FAM228B: variants seen among roughly 807,000 people sequenced by gnomAD.
FAM228B encodes the protein protein FAM228B.
Under a neutral mutation model 42.6 loss-of-function variants are expected in FAM228B, and 38 were observed. The ratio of observed to expected loss-of-function variants is 0.89; its 90% CI spans 0.69 to 1.17. The LOEUF is 1.17. Among genes scored for constraint, FAM228B ranks in the 50% most tolerant of loss-of-function variants. The pLI is 0.00. For missense variants in FAM228B, 344 were observed against 367.3 expected, an observed-to-expected ratio of 0.94 and a Z score of 0.52; for synonymous variants, 109 against 122.3, an observed-to-expected ratio of 0.89 and a Z score of 0.72.
chr2:24,084,426 TG>T lies in FAM228B; in HGVS notation c.-210+3472del, dbSNP rs1665170885. The T allele has an allele frequency of 7.3e-7, 1 of 1,371,996 alleles. No homozygotes were observed. Among genetic ancestry groups the T allele is most frequent in the East Asian group, 2.7e-5 (1 of 37,096 alleles). 85.0% of individuals were successfully genotyped at this position (1,371,996 alleles called of 1,614,324 possible). A position where few individuals can be genotyped will look rare whatever the true frequency, so the allele number is the denominator to read the frequency against. ...CAGGACAGGACAGGGCAGGGGCCGC[TG>T]TATCCTCGCGGAGCAGCCCAGCCTC... On this transcript the variant is annotated intron_variant, in intron 2 of 10. Coordinates refer to the FAM228B transcript ENST00000613899. The surrounding 1 kb of genome is among the most constrained non-coding windows in gnomAD (Gnocchi z 8.4).
At chr2:24,166,090 T>TATAGATAG (rs1266908795) in intron 9 of FAM228B, 1 of 147,604 alleles carries the variant, frequency 6.8e-6, no homozygotes, top group African/African-American at 2.5e-5. Context: ...TTCACATATA[T>TATAGATAG]ATAGATAGAT....
In FAM228B at chr2:24,146,763, T is replaced by C. The variant is rs994054143; in HGVS notation, c.457T>C (p.Phe153Leu). 6.5e-7 allele frequency: 1 copy of C among 1,549,714 alleles called. No homozygotes were observed. Among genetic ancestry groups the C allele is most frequent in the Non-Finnish European group, 8.7e-7 (1 of 1,145,780 alleles). The change falls in exon 6 of 11, where the codon TTT becomes CTT. Residue 153 changes from phenylalanine to leucine, a missense_variant. Phe to Leu is a conservative substitution (Grantham distance 22). Transcript: ENST00000615575. ...PNFLKVTIPP[F>L]HDPLKKAQYD... ...TCTCTTGTAGGTTACCATCCCACCATTTCATGACCCTTTGAAAAAAGCACA... is the reference window on the plus strand; with the variant it reads ...TCTCTTGTAGGTTACCATCCCACCACTTCATGACCCTTTGAAAAAAGCACA...
rs371252388 is a variant in FAM228B at position 24,089,868 on chromosome 2, G to A, written c.-209-5273G>A. Among the ~76,000 whole-genome samples, 11 of 151,976 alleles carry A rather than the reference G, an allele frequency of 7.2e-5. No homozygotes were observed. The East Asian group carries it at 9.7e-4, about 13-fold the overall frequency. On this transcript the variant is annotated intron_variant, in intron 2 of 10. Transcript: ENST00000613899. ...CGCATCCCTGTAATCTCAGCTACTC[G>A]GGAGGCTGAGGCAGGAGAATCACTC...
At chr2:24,119,187 A>C (rs922302742), upstream of FAM228B, among the ~76,000 whole-genome samples, 4 of 151,092 alleles carry the variant, frequency 2.6e-5, no homozygotes, top group Non-Finnish European at 4.4e-5. Flanking sequence ...CCCCTCCCCT[A>C]TCCTGCCCCA....
intron 3 of FAM228B, among the ~76,000 whole-genome samples, chr2:24,116,309 CA>C (rs1211971762): frequency 6.6e-6 from 1 of 152,010 alleles, no homozygotes; most frequent in Admixed American, 6.6e-5. Context: ...GCCTGAGCGA[CA>C]GAGCGAAATT....
chr2:24,081,649 C>G (rs962013496), intron 2 of FAM228B, among the ~76,000 whole-genome samples: 1 of 151,742 alleles, frequency 6.6e-6, no homozygotes, highest in Non-Finnish European at 1.5e-5. Context: ...CAATAGTCAT[C>G]CTTCACTACT....
intron 3 of FAM228B, among the ~76,000 whole-genome samples, chr2:24,117,291 C>T (rs1023191309): frequency 2.6e-5 from 4 of 152,248 alleles, no homozygotes; most frequent in East Asian, 3.9e-4. Context: ...GGTGGGATTA[C>T]AGGCGTGAGC....
At chr2:24,089,364 T>C (rs1266413664) in intron 2 of FAM228B, among the ~76,000 whole-genome samples, 1 of 151,940 alleles carries the variant, frequency 6.6e-6, no homozygotes, top group Non-Finnish European at 1.5e-5. Context: ...TAGGAGTGAT[T>C]AAAACAAAAA....
chr2:24,084,270 C>T lies in FAM228B; in HGVS notation c.-210+3315C>T. Reference sequence around the variant, plus strand: ...CCTCCCCCGGGCTCGGCTTGGCCACCTCCTTCACGTAGAGGTTTTCCGGTC... The same window carrying T: ...CCTCCCCCGGGCTCGGCTTGGCCACTTCCTTCACGTAGAGGTTTTCCGGTC... On this transcript the variant is annotated intron_variant, in intron 2 of 10. Coordinates refer to the FAM228B transcript ENST00000613899. This position sits in a 1 kb window ranked among gnomAD's most constrained non-coding sequence, Gnocchi z 8.4. 3 of 1,614,176 alleles carry T rather than the reference C, an allele frequency of 1.9e-6. No homozygotes were observed. Among genetic ancestry groups the T allele is most frequent in the Non-Finnish European group, 2.5e-6 (3 of 1,180,016 alleles).
intron 5 of FAM228B, among the ~76,000 whole-genome samples, chr2:24,143,493 C>T (rs1307776165): frequency 6.6e-6 from 1 of 152,164 alleles, no homozygotes; most frequent in Non-Finnish European, 1.5e-5. Flanking sequence ...CATGCCTGGC[C>T]ACTCCTACTT....
rs371448364 is a variant in FAM228B at position 24,084,223 on chromosome 2, G to A, written c.-210+3268G>A. 14 of 1,613,700 alleles carry A rather than the reference G, an allele frequency of 8.7e-6. No homozygotes were observed. Among genetic ancestry groups the A allele is most frequent in the Non-Finnish European group, 1.1e-5 (13 of 1,179,932 alleles). ...GTCCGCCCGGTTCAGGGCGCTGGCC[G>A]CCACCTTCAGGAGGACTTCACCCTC... On this transcript the variant is annotated intron_variant, in intron 2 of 10. Coordinates refer to the FAM228B transcript ENST00000613899. The surrounding 1 kb of genome is among the most constrained non-coding windows in gnomAD (Gnocchi z 8.4).
intron 7 of FAM228B, among the ~76,000 whole-genome samples, chr2:24,152,694 C>T (rs924144220): frequency 6.6e-6 from 1 of 152,222 alleles, no homozygotes; most frequent in South Asian, 2.1e-4. Context: ...ACCCCTGTGG[C>T]CACCATTACT....
At chr2:24,128,248 G>T (rs1473203788) in intron 2 of FAM228B, among the ~76,000 whole-genome samples, 2 of 151,842 alleles carry the variant, frequency 1.3e-5, no homozygotes, top group African/African-American at 4.8e-5. Context: ...TTTTTTGTTG[G>T]TTTGTTGCTG....
Position 24,087,777 on chromosome 2 carries a change from ATTTT to A in FAM228B, c.-210+6841_-210+6844del, listed in dbSNP as rs34256592. Among the ~76,000 whole-genome samples, 44 of 128,190 alleles carry A rather than the reference ATTTT, an allele frequency of 3.4e-4. No individual in the cohort carries two copies. The East Asian group carries it at 3.8e-3, about 11-fold the overall frequency. The allele number at this position is 128,190 out of a possible 152,430, so 84.1% of individuals were successfully genotyped here. A position where few individuals can be genotyped will look rare whatever the true frequency, so the allele number is the denominator to read the frequency against. ...AGGTGTGAGCCACCACACCAGGGTAATTTTTTTTTTTTTTTTTTTTTTGAGACAG... is the reference window on the plus strand; with the variant it reads ...AGGTGTGAGCCACCACACCAGGGTAATTTTTTTTTTTTTTTTTTGAGACAG... On this transcript the variant is annotated intron_variant, in intron 2 of 10. Coordinates refer to the FAM228B transcript ENST00000613899.
chr2:24,107,690 A>G (rs1366285547), intron 3 of FAM228B, among the ~76,000 whole-genome samples: 1 of 152,220 alleles, frequency 6.6e-6, no homozygotes, highest in African/African-American at 2.4e-5. Context: ...TGGGTAAATA[A>G]CGAAATTAGG....
At chr2:24,115,327 C>G (rs1377402362) in intron 3 of FAM228B, 1 of 458,978 alleles carries the variant, frequency 2.2e-6, no homozygotes, top group African/African-American at 1.9e-5. Flanking sequence ...AAGGAGCCTC[C>G]CAATAGATAT....
intron 3 of FAM228B, chr2:24,115,360 C>A: frequency 1.8e-6 from 1 of 546,380 alleles, no homozygotes. Context: ...GATCAGTGCT[C>A]TCTCATTCCA....
intron 9 of FAM228B, 30 bp from the exon 10 acceptor site, chr2:24,167,597 T>TA: frequency 6.4e-7 from 1 of 1,551,240 alleles, no homozygotes; most frequent in Non-Finnish European, 8.7e-7. Flanking sequence ...TCGTATAACA[T>TA]AATGACCAAA....
Position 24,169,458 on chromosome 2 carries a change from G to A in FAM228B, c.*117G>A. ...GTCATCTGCTCACAGGAATCAGGGT[G>A]AAGGCCAAGGACGGCACTCAAGAAT... On this transcript the variant is annotated 3_prime_UTR_variant, in exon 11 of 11. Coordinates refer to ENST00000615575, the MANE Select transcript of FAM228B (RefSeq NM_001145710.2). This position sits in a 1 kb window ranked among gnomAD's most constrained non-coding sequence, Gnocchi z 4.2. The A allele has an allele frequency of 2.4e-6, 1 of 409,866 alleles. No individual in the cohort carries two copies. 25.4% of individuals were successfully genotyped at this position (409,866 alleles called of 1,614,324 possible).
Sources: gnomAD v4.1 joint callset for allele counts (sites outside exome capture counted in the v4.1 genomes callset) on GRCh38, gnomAD v4.1.1 for gene constraint, Gnocchi (gnomAD v3.1) non-coding constraint, MANE v1.5 for transcripts, NCBI Gene and HGNC (gene_info 2026-07-23, HGNC 2026-07-21) for gene names.